The following FMN1 variants were observed in gnomAD, a reference collection of about 807,000 sequenced individuals.
The protein encoded by FMN1 is formin 1.
Under a neutral mutation model 132.4 loss-of-function variants are expected in FMN1, and 110 were observed. The observed-to-expected ratio is 0.83, with a 90% confidence interval of 0.71 to 0.97. The LOEUF is 0.97. Among genes scored for constraint, FMN1 ranks in the 50% least tolerant of loss-of-function variants. The pLI is 0.00. For missense variants in FMN1, 1,792 were observed against 1,705.3 expected, an observed-to-expected ratio of 1.05 and a Z score of -0.90; for synonymous variants, 722 against 651.7, an observed-to-expected ratio of 1.11 and a Z score of -1.64.
chr15:32,988,439 T>C (rs1566796081), intron 7 of FMN1, among the ~76,000 whole-genome samples: 2 of 152,224 alleles, frequency 1.3e-5, no homozygotes, highest in Admixed American at 6.5e-5. Flanking sequence ...CTGAAGATTC[T>C]GCTCTTAAAT....
At chr15:32,854,925 A>C (rs1596091869) in intron 17 of FMN1, among the ~76,000 whole-genome samples, 4 of 151,426 alleles carry the variant, frequency 2.6e-5, no homozygotes, top group African/African-American at 7.2e-5. Flanking sequence ...AAAAAAAAAA[A>C]CAAAAAACAA....
At chr15:33,023,678 T>G (rs1047050240) in intron 6 of FMN1, among the ~76,000 whole-genome samples, 4 of 151,938 alleles carry the variant, frequency 2.6e-5, no homozygotes, top group Admixed American at 2.0e-4. Context: ...GAAAGGATAA[T>G]AGGAAAGAGC....
chr15:32,993,912 T>TGGC (rs545982428), intron 7 of FMN1, among the ~76,000 whole-genome samples: 2 of 86,974 alleles, frequency 2.3e-5, no homozygotes, highest in Non-Finnish European at 5.0e-5. Flanking sequence ...GGGGGCGGGG[T>TGGC]GGGGGGGGTC....
intron 7 of FMN1, among the ~76,000 whole-genome samples, chr15:33,007,035 C>T (rs141966109): frequency 1.5e-3 from 235 of 152,170 alleles, no homozygotes; most frequent in African/African-American, 5.5e-3. Flanking sequence ...TTTAAAATTT[C>T]TAAAAGAGCA....
intron 4 of FMN1, among the ~76,000 whole-genome samples, chr15:33,134,752 A>G (rs530691080): frequency 6.6e-6 from 1 of 152,248 alleles, no homozygotes; most frequent in African/African-American, 2.4e-5. Context: ...CTATAATCCC[A>G]GCACTTTGGG....
At chr15:33,066,180 C>T (rs2037716486) in intron 5 of FMN1, among the ~76,000 whole-genome samples, 1 of 152,202 alleles carries the variant, frequency 6.6e-6, no homozygotes, top group Non-Finnish European at 1.5e-5. Flanking sequence ...TAAACCTGGG[C>T]TATACTGCCA....
intron 17 of FMN1, among the ~76,000 whole-genome samples, chr15:32,838,984 C>T (rs2058688230): frequency 1.3e-5 from 2 of 152,152 alleles, no homozygotes; most frequent in African/African-American, 4.8e-5. Flanking sequence ...GACACAGCCA[C>T]TAATTGCCCA....
At position 33,084,342 on chromosome 15, in the gene FMN1, A is replaced by G. The variant is rs1441078908; in HGVS notation, c.2043+4457T>C. 3.3e-5 allele frequency among the ~76,000 whole-genome samples: 5 copies of G among 152,246 alleles called. No homozygotes were observed. The East Asian group carries it at 7.7e-4, about 24-fold the overall frequency. On this transcript the variant is annotated intron_variant, in intron 5 of 20. Coordinates refer to ENST00000616417, the MANE Select transcript of FMN1 (RefSeq NM_001277313.2). ...TTGGGTTGTACAAGTTATCCTAGCA[A>G]ATTACTGAACCCGAAGAGGGGGTCA...
rs1034869825 is a variant in FMN1, at chr15:32,767,741, A to C, written c.*6569T>G. The C allele has an allele frequency of 2.0e-5, 3 of 152,222 alleles. No individual in the cohort carries two copies. Among genetic ancestry groups the C allele is most frequent in the Admixed American group, 6.5e-5 (1 of 15,284 alleles). 9.4% of individuals were successfully genotyped at this position (152,222 alleles called of 1,614,324 possible). A position where few individuals can be genotyped will look rare whatever the true frequency, so the allele number is the denominator to read the frequency against. On this transcript the variant is annotated 3_prime_UTR_variant, in exon 21 of 21. Transcript: ENST00000616417. ...CCTTGGGAAATTACAGAATTGCACAATTATAAATTTAATAATTTTGGAGTA... is the reference window on the plus strand; with the variant it reads ...CCTTGGGAAATTACAGAATTGCACACTTATAAATTTAATAATTTTGGAGTA...
intron 16 of FMN1, 140 bp downstream of exon 16, chr15:32,888,030 GAA>G: frequency 3.4e-6 from 2 of 596,630 alleles, no homozygotes; most frequent in Non-Finnish European, 5.4e-6. Flanking sequence ...TGTAGAGAAG[GAA>G]AGTTTCCTGA....
chr15:33,148,841 T>C (rs1964332757), intron 4 of FMN1, among the ~76,000 whole-genome samples: 1 of 152,150 alleles, frequency 6.6e-6, no homozygotes, highest in African/African-American at 2.4e-5. Flanking sequence ...GCATGGCTTT[T>C]ACAGGTCTCT....
At chr15:32,943,327 C>A (rs7165120) in intron 9 of FMN1, among the ~76,000 whole-genome samples, 12,976 of 152,186 alleles carry the variant, frequency 0.085, 867 homozygotes, top group African/African-American at 0.18. Flanking sequence ...AAGTACAATT[C>A]TAAAAAATAC....
intron 17 of FMN1, among the ~76,000 whole-genome samples, chr15:32,821,904 A>T (rs1025024108): frequency 2.0e-5 from 3 of 152,142 alleles, no homozygotes; most frequent in Non-Finnish European, 4.4e-5. Context: ...GCCTCATCCC[A>T]TTTTGATATC....
rs556987996 is a variant in FMN1, at chr15:32,809,292, C to T, written c.3929-4960G>A. On this transcript the variant is annotated intron_variant, in intron 17 of 20. Coordinates refer to ENST00000616417, the MANE Select transcript of FMN1 (RefSeq NM_001277313.2). The stretch of plus-strand genomic sequence containing the variant: ...TAAGATTCCTTCCTTAACCTCTAGG[C>T]TCTATATGGTGACCTGTAACAGGTT... Among the ~76,000 whole-genome samples, 6 of 152,268 alleles carry T rather than the reference C, an allele frequency of 3.9e-5. No individual in the cohort carries two copies. In the South Asian group the frequency reaches 1.2e-3, roughly 32 times the overall value.
intron 2 of FMN1, among the ~76,000 whole-genome samples, chr15:33,189,777 G>A (rs1327386347): frequency 1.3e-5 from 2 of 152,114 alleles, no homozygotes; most frequent in Admixed American, 6.6e-5. Context: ...ACCAAAGAAA[G>A]GAATTTAAGT....
At chr15:32,839,016 G>C (rs1230652387) in intron 17 of FMN1, among the ~76,000 whole-genome samples, 1 of 152,114 alleles carries the variant, frequency 6.6e-6, no homozygotes, top group Non-Finnish European at 1.5e-5. Flanking sequence ...ACACAGCCCA[G>C]AGATGGTGAC....
intron 17 of FMN1, among the ~76,000 whole-genome samples, chr15:32,828,181 G>A (rs994355683): frequency 3.9e-5 from 6 of 152,050 alleles, no homozygotes; most frequent in African/African-American, 1.4e-4. Context: ...GGCTGAAGCA[G>A]GAGAATCGTT....
chr15:32,983,060 T>C (rs542461419), intron 7 of FMN1, among the ~76,000 whole-genome samples: 9 of 152,328 alleles, frequency 5.9e-5, no homozygotes, highest in African/African-American at 2.2e-4. Flanking sequence ...CTATTACTTA[T>C]GTTTCTCCGG....
Position 32,776,901 on chromosome 15 carries a change from T to G in FMN1, c.4149A>C (p.Glu1383Asp), listed in dbSNP as rs374235891. The G allele has an allele frequency of 2.8e-5, 44 of 1,590,502 alleles. No individual in the cohort carries two copies. The highest frequency in any genetic ancestry group is 8.7e-5 in the Admixed American group (5 of 57,374). The change falls in exon 20 of 21, where the codon GAA becomes GAC. Residue 1383 changes from glutamate (E) to aspartate (D), a missense_variant. Around this residue, in one of 3 missense-constraint regions of FMN1, gnomAD observed 1,150 missense variants for 1,043.1 expected, o/e 1.10. Coordinates refer to ENST00000616417, the MANE Select transcript of FMN1 (RefSeq NM_001277313.2). ...ISKERLKMAQESVSKLTSEKK... is the reference protein window; with the variant it reads ...ISKERLKMAQDSVSKLTSEKK... ...TCTCTGAAGTCAACTTGCTGACTGA[T>G]TCCTGAGCCATTTTCAATCTGAAAT...
Sources: allele counts gnomAD v4.1 joint callset (sites outside exome capture counted in the v4.1 genomes callset), GRCh38; gene constraint gnomAD v4.1.1; regional missense constraint gnomAD v4.1.1; transcripts MANE v1.5; gene names NCBI Gene and HGNC (gene_info 2026-07-23, HGNC 2026-07-21).